FSD1L: variants seen among roughly 807,000 people sequenced by gnomAD.
The protein encoded by FSD1L is fibronectin type III and SPRY domain containing 1 like, also known as FSD1-like protein.
FSD1L carries 45 observed loss-of-function variants against 71.6 expected under a neutral mutation model. The observed-to-expected ratio is 0.63, with a 90% CI of 0.49 to 0.81. FSD1L has a LOEUF of 0.81. Among genes scored for constraint, FSD1L ranks in the 30% least tolerant of loss-of-function variants. The probability of loss-of-function intolerance (pLI) is 0.00; values close to 1 mark genes in which losing one functional copy is unlikely to be tolerated. For missense variants in FSD1L, 561 were observed against 618.1 expected, an observed-to-expected ratio of 0.91 and a Z score of 0.98; for synonymous variants, 197 against 207.2, an observed-to-expected ratio of 0.95 and a Z score of 0.42.
the FSD1L span, among the ~76,000 whole-genome samples, chr9:105,442,478 A>T: frequency 6.6e-6 from 1 of 151,914 alleles, no homozygotes; most frequent in Non-Finnish European, 1.5e-5. Context: ...CAAGAGTTTC[A>T]GACCAGCCTG....
At chr9:105,464,373 A>C (rs773986049) in intron 3 of FSD1L, 42 bp downstream of exon 3, 13 of 900,106 alleles carry the variant, frequency 1.4e-5, no homozygotes, top group Admixed American at 5.6e-5. Context: ...ATATGTCACA[A>C]TGAGCCAAAT....
At chr9:105,520,854 A>G (rs1835103077) in intron 10 of FSD1L, 1 of 1,612,238 alleles carries the variant, frequency 6.2e-7, no homozygotes, top group Non-Finnish European at 8.5e-7. Flanking sequence ...ATCAGGAGAT[A>G]AAGGGCAAGA....
At chr9:105,447,089 TGAG>T (rs1432824514), upstream of FSD1L, among the ~76,000 whole-genome samples, 1 of 151,982 alleles carries the variant, frequency 6.6e-6, no homozygotes, top group East Asian at 1.9e-4. Context: ...TTTGGGAGGC[TGAG>T]GTGGGCGGAC....
chr9:105,447,562 CCCACACCCACGTTTCCG>C (rs754062793), upstream of FSD1L, among the ~76,000 whole-genome samples: 69 of 152,180 alleles, frequency 4.5e-4, no homozygotes, highest in Non-Finnish European at 8.5e-4. Flanking sequence ...TCATATTAAT[CCCACACCCACGTTTCCG>C]CCACTCTCAT....
rs16403 is a variant in FSD1L at position 105,552,204 on chromosome 9, A to AAC, written c.*5721_*5722insAC. 82,431 of 151,850 alleles carry AAC rather than the reference A, an allele frequency of 0.54. 22,603 individuals carry two copies. Among genetic ancestry groups the AAC allele is most frequent in the East Asian group, 0.71 (3,663 of 5,164 alleles). 9.4% of individuals were successfully genotyped at this position (151,850 alleles called of 1,614,324 possible). ...AAGTTATGGCTGAAGACCTTTAATG[A>AAC]TACTTATGATGCACTCAGTGCCATA... On this transcript the variant is annotated 3_prime_UTR_variant, in exon 14 of 14. Coordinates refer to ENST00000481272, the MANE Select transcript of FSD1L (RefSeq NM_001145313.3).
At chr9:105,468,080 T>C in intron 3 of FSD1L, 113 bp from the exon 4 acceptor site, 1 of 726,458 alleles carries the variant, frequency 1.4e-6, no homozygotes, top group Non-Finnish European at 2.0e-6. Flanking sequence ...TATTTTTATA[T>C]TAGGCCAACA....
In FSD1L at chr9:105,520,421, A is replaced by G. The variant is rs141389298; in HGVS notation, c.1025+7485A>G. 1.2e-4 allele frequency: 134 copies of G among 1,086,684 alleles called. No homozygotes were observed. In the African/African-American group the frequency reaches 1.7e-3, roughly 13 times the overall value. 67.3% of individuals were successfully genotyped at this position (1,086,684 alleles called of 1,614,324 possible). On this transcript the variant is annotated intron_variant, in intron 10 of 13. Coordinates refer to ENST00000481272, the MANE Select transcript of FSD1L (RefSeq NM_001145313.3). ...CGACAACATTTTTTACATATATACT[A>G]TGTGTTCTTTGAAAATTTTGTGACT... is the stretch of plus-strand genomic sequence containing the variant.
intron 7 of FSD1L, among the ~76,000 whole-genome samples, chr9:105,496,125 C>T (rs530741118): frequency 6.6e-6 from 1 of 150,402 alleles, no homozygotes; most frequent in Non-Finnish European, 1.5e-5. Flanking sequence ...CTTACTGTTT[C>T]TTTCATGAAG....
rs557545926 is a variant in FSD1L at position 105,495,590 on chromosome 9, C to T, written c.587-10809C>T. ...AAATGCAGAAATCACCTGTCTTCTGCGTAGCTCACGCTGGGAGCTGTAGAC... is the reference window on the plus strand; with the variant it reads ...AAATGCAGAAATCACCTGTCTTCTGTGTAGCTCACGCTGGGAGCTGTAGAC... On this transcript the variant is annotated intron_variant, in intron 7 of 13. Transcript: ENST00000481272. 2.8e-3 allele frequency among the ~76,000 whole-genome samples: 425 copies of T among 152,338 alleles called. 1 individual carries two copies. The highest frequency in any genetic ancestry group is 4.8e-3 in the Non-Finnish European group (324 of 68,036).
chr9:105,492,724 A>G (rs545074118), intron 7 of FSD1L, among the ~76,000 whole-genome samples: 2 of 152,148 alleles, frequency 1.3e-5, no homozygotes, highest in Non-Finnish European at 2.9e-5. Flanking sequence ...GGTTTCAAAG[A>G]ACATCTTTAT....
At chr9:105,494,867 T>C (rs547670284) in intron 7 of FSD1L, among the ~76,000 whole-genome samples, 1 of 152,266 alleles carries the variant, frequency 6.6e-6, no homozygotes, top group East Asian at 1.9e-4. Context: ...GGAAGTTTTG[T>C]CTCAGAGGAG....
intron 5 of FSD1L, chr9:105,473,058 A>G (rs138574607): frequency 6.6e-6 from 1 of 152,314 alleles, no homozygotes; most frequent in East Asian, 1.9e-4. Flanking sequence ...TAATCCCAGC[A>G]CTATGGGAAG....
chr9:105,472,153 C>A, intron 5 of FSD1L, 148 bp downstream of exon 5: 1 of 952,804 alleles, frequency 1.0e-6, no homozygotes, highest in South Asian at 3.1e-5. Context: ...GCTGGCTGTT[C>A]ATTTATTCCA....
At chr9:105,485,279 C>A (rs1453255788) in intron 7 of FSD1L, among the ~76,000 whole-genome samples, 8 of 152,084 alleles carry the variant, frequency 5.3e-5, no homozygotes, top group Non-Finnish European at 1.2e-4. Flanking sequence ...CATGCTATGT[C>A]AAAACATGAT....
At chr9:105,540,753 A>G (rs114644597) in intron 13 of FSD1L, among the ~76,000 whole-genome samples, 1,808 of 152,250 alleles carry the variant, frequency 0.012, 53 homozygotes, top group African/African-American at 0.042. Flanking sequence ...CCACATAGCA[A>G]TTACATCCTG....
chr9:105,492,955 G>A, intron 7 of FSD1L, among the ~76,000 whole-genome samples: 1 of 152,132 alleles, frequency 6.6e-6, no homozygotes, highest in Non-Finnish European at 1.5e-5. Context: ...GTGGTGTGGT[G>A]CTGAAAAAAA....
chr9:105,489,854 G>T (rs539665462), intron 7 of FSD1L, among the ~76,000 whole-genome samples: 1 of 152,146 alleles, frequency 6.6e-6, no homozygotes, highest in Non-Finnish European at 1.5e-5. Flanking sequence ...TTATGGCTGC[G>T]TAGTATTCCA....
At position 105,546,524 on chromosome 9, in the gene FSD1L, GGCCTTTTCTGT is replaced by G. The variant is rs1163176547; in HGVS notation, c.*44_*54del. ...CGTTTACCCTCCGTCTTGATTAGGTGGCCTTTTCTGTGCAGTTACTAATCACAGGAATTTGG... is the reference window on the plus strand; with the variant it reads ...CGTTTACCCTCCGTCTTGATTAGGTGGCAGTTACTAATCACAGGAATTTGG... On this transcript the variant is annotated 3_prime_UTR_variant, in exon 14 of 14. Coordinates refer to ENST00000481272, the MANE Select transcript of FSD1L (RefSeq NM_001145313.3). 3.4e-6 allele frequency: 5 copies of G among 1,485,040 alleles called. No individual in the cohort carries two copies. Among genetic ancestry groups the G allele is most frequent in the Non-Finnish European group, 4.5e-6 (5 of 1,116,160 alleles). The allele number at this position is 1,485,040 out of a possible 1,614,324, so 92.0% of individuals were successfully genotyped here.
chr9:105,532,594 C>A (rs1835964800), intron 10 of FSD1L, among the ~76,000 whole-genome samples: 1 of 152,132 alleles, frequency 6.6e-6, no homozygotes, highest in African/African-American at 2.4e-5. Flanking sequence ...TTTGCTGTCC[C>A]CGTACCCAAT....
Sources: allele counts gnomAD v4.1 joint callset (sites outside exome capture counted in the v4.1 genomes callset), GRCh38; gene constraint gnomAD v4.1.1; transcripts MANE v1.5; gene names NCBI Gene and HGNC (gene_info 2026-07-23, HGNC 2026-07-21).